Variants in NKAIN2 observed in about 807,000 individuals in gnomAD.
NKAIN2 encodes the protein sodium/potassium transporting ATPase interacting 2.
In NKAIN2, 14 loss-of-function variants were observed where a neutral mutation model predicts 32.6. The observed-to-expected ratio is 0.43, with a 90% confidence interval of 0.28 to 0.67. The LOEUF is 0.67. Ranked by LOEUF, NKAIN2 falls within the 30% of genes least tolerant of loss-of-function variation. The pLI is 0.17. For missense variants in NKAIN2, 198 were observed against 258.3 expected (o/e 0.77, Z 1.60); for synonymous variants, 80 against 87.2 (o/e 0.92, Z 0.46).
At chr6:124,167,425 C>G (rs1470720298) in intron 1 of NKAIN2, among the ~76,000 whole-genome samples, 2 of 152,110 alleles carry the variant, frequency 1.3e-5, no homozygotes. Flanking sequence ...TGGGCTGAGA[C>G]AATGGGGTTT....
intron 1 of NKAIN2, among the ~76,000 whole-genome samples, chr6:123,885,996 A>G (rs1287775046): frequency 2.6e-5 from 4 of 151,814 alleles, no homozygotes; most frequent in African/African-American, 9.7e-5. Flanking sequence ...GAAGAATACA[A>G]TTAAAAAAAG....
At chr6:123,871,952 G>A (rs183431621) in intron 1 of NKAIN2, among the ~76,000 whole-genome samples, 2 of 152,104 alleles carry the variant, frequency 1.3e-5, no homozygotes, top group Non-Finnish European at 2.9e-5. Flanking sequence ...TGTGTTTCCT[G>A]TTCTTTAAAG....
chr6:124,400,790 A>C lies in NKAIN2; in HGVS notation c.273+45443A>C, dbSNP rs757921731. On this transcript the variant is annotated intron_variant, in intron 3 of 6. Coordinates refer to ENST00000368417, the MANE Select transcript of NKAIN2 (RefSeq NM_001040214.3). The stretch of plus-strand genomic sequence containing the variant: ...TCTTGTGTAAACACTGTGCAGGTCA[A>C]GAAATGGAAGACAGGTGGCATCCCA... 9.2e-5 allele frequency among the ~76,000 whole-genome samples: 14 copies of C among 152,346 alleles called. 1 individual carries two copies. The South Asian group carries it at 2.3e-3, about 25-fold the overall frequency.
chr6:124,245,325 A>G (rs1303459980), intron 1 of NKAIN2, among the ~76,000 whole-genome samples: 1 of 152,110 alleles, frequency 6.6e-6, no homozygotes, highest in Non-Finnish European at 1.5e-5. Context: ...GTGAATATTT[A>G]AAGAATCCTA....
At chr6:124,114,573 A>G (rs1242393579) in intron 1 of NKAIN2, among the ~76,000 whole-genome samples, 1 of 152,112 alleles carries the variant, frequency 6.6e-6, no homozygotes, top group Non-Finnish European at 1.5e-5. Flanking sequence ...ATTTGGTGAG[A>G]TCACTAAGGG....
At chr6:123,981,136 G>T (rs2114665010) in intron 1 of NKAIN2, among the ~76,000 whole-genome samples, 1 of 152,218 alleles carries the variant, frequency 6.6e-6, no homozygotes, top group South Asian at 2.1e-4. Flanking sequence ...CAAAATGCTG[G>T]GATTGCAGGC....
intron 3 of NKAIN2, among the ~76,000 whole-genome samples, chr6:124,374,491 C>T (rs1205706775): frequency 6.6e-6 from 1 of 152,080 alleles, no homozygotes; most frequent in Non-Finnish European, 1.5e-5. Flanking sequence ...GCCAACATAG[C>T]CATTTGCTTG....
At chr6:124,800,667 C>T (rs1367337380) in intron 5 of NKAIN2, among the ~76,000 whole-genome samples, 3 of 152,262 alleles carry the variant, frequency 2.0e-5, no homozygotes, top group Non-Finnish European at 4.4e-5. Context: ...GAAATTAGGA[C>T]GTTACTATCA....
chr6:124,720,428 AT>A (rs760742639), intron 4 of NKAIN2, among the ~76,000 whole-genome samples: 6 of 152,378 alleles, frequency 3.9e-5, no homozygotes, highest in Admixed American at 6.5e-5. Flanking sequence ...TAAGTAAATT[AT>A]AATGGGAAAA....
At chr6:124,771,741 G>A (rs138892129) in intron 4 of NKAIN2, among the ~76,000 whole-genome samples, 3 of 152,068 alleles carry the variant, frequency 2.0e-5, no homozygotes, top group African/African-American at 7.2e-5. Flanking sequence ...AATGAAATCT[G>A]AATCTAAATT....
At chr6:123,974,445 T>C (rs920325782) in intron 1 of NKAIN2, among the ~76,000 whole-genome samples, 1 of 152,192 alleles carries the variant, frequency 6.6e-6, no homozygotes, top group Non-Finnish European at 1.5e-5. Context: ...ATTACCACGG[T>C]TCTTCTAAGC....
intron 3 of NKAIN2, among the ~76,000 whole-genome samples, chr6:124,467,196 G>GT (rs1776794590): frequency 6.6e-6 from 1 of 152,032 alleles, no homozygotes; most frequent in African/African-American, 2.4e-5. Flanking sequence ...AAAACAAGGT[G>GT]TAATGCTTCC....
intron 1 of NKAIN2, among the ~76,000 whole-genome samples, chr6:124,135,699 A>G (rs1056692527): frequency 7.2e-5 from 11 of 152,216 alleles, no homozygotes; most frequent in African/African-American, 2.4e-4. Flanking sequence ...CCAAAGTGGA[A>G]TAAAACCGTA....
At chr6:124,784,907 G>C (rs1671011416) in intron 4 of NKAIN2, among the ~76,000 whole-genome samples, 1 of 152,012 alleles carries the variant, frequency 6.6e-6, no homozygotes, top group Admixed American at 6.6e-5. Flanking sequence ...CATGCATCTT[G>C]GCATGAATTT....
At chr6:123,842,050 G>C (rs6937540) in intron 1 of NKAIN2, among the ~76,000 whole-genome samples, 108,195 of 152,108 alleles carry the variant, frequency 0.71, 39,793 homozygotes, top group African/African-American at 0.91. Flanking sequence ...GATTTTAGGA[G>C]TATCTGTCTA....
At chr6:123,884,772 G>C (rs546210598) in intron 1 of NKAIN2, among the ~76,000 whole-genome samples, 3 of 151,908 alleles carry the variant, frequency 2.0e-5, no homozygotes, top group African/African-American at 7.2e-5. Context: ...TCAACATGCT[G>C]AGATGACCAA....
chr6:124,156,350 A>G lies in NKAIN2; in HGVS notation c.55-126655A>G, dbSNP rs549724606. On this transcript the variant is annotated intron_variant, in intron 1 of 6. Transcript: ENST00000368417. ...TAGATATTTATTGAGCACCTTCCCT[A>G]GATACAGCTATCCTACATACCAGGA... 2.0e-5 allele frequency among the ~76,000 whole-genome samples: 3 copies of G among 152,036 alleles called. No homozygotes were observed. The East Asian group carries it at 5.8e-4, about 30-fold the overall frequency.
chr6:124,142,778 C>T (rs1787208652), intron 1 of NKAIN2, among the ~76,000 whole-genome samples: 1 of 152,042 alleles, frequency 6.6e-6, no homozygotes, highest in South Asian at 2.1e-4. Context: ...GATCTTATTT[C>T]TAAAGCATTC....
At chr6:123,913,717 C>T (rs1326676080) in intron 1 of NKAIN2, among the ~76,000 whole-genome samples, 1 of 151,972 alleles carries the variant, frequency 6.6e-6, no homozygotes, top group East Asian at 1.9e-4. Context: ...AAACTTTTAC[C>T]TAATTACCAG....
Sources: allele counts gnomAD v4.1 joint callset (sites outside exome capture counted in the v4.1 genomes callset), GRCh38; gene constraint gnomAD v4.1.1; transcripts MANE v1.5; gene names NCBI Gene and HGNC (gene_info 2026-07-23, HGNC 2026-07-21).